The following ZNF704 variants were observed in gnomAD, a reference collection of about 807,000 sequenced individuals.
The protein encoded by ZNF704 is glucocorticoid induced gene 1.
In ZNF704, 10 loss-of-function variants were observed where a neutral mutation model predicts 44.7. That is an observed-to-expected ratio of 0.22 (90% CI 0.14 to 0.38). The LOEUF (loss-of-function observed/expected upper bound fraction) is 0.38. Ranked by LOEUF, ZNF704 falls within the 10% of genes least tolerant of loss-of-function variation. The pLI is 1.00. For synonymous variants in ZNF704, 211 were observed against 207.6 expected, an observed-to-expected ratio of 1.02 and a Z score of -0.14; for missense variants, 390 against 545.5, an observed-to-expected ratio of 0.71 and a Z score of 2.84.
At chr8:80,746,854 C>T (rs942835777) in intron 2 of ZNF704, among the ~76,000 whole-genome samples, 1 of 152,078 alleles carries the variant, frequency 6.6e-6, no homozygotes, top group Non-Finnish European at 1.5e-5. Flanking sequence ...GCAAAAGGTC[C>T]TCACAATTCA....
chr8:80,709,136 T>G (rs1818942656), intron 2 of ZNF704, among the ~76,000 whole-genome samples: 1 of 152,076 alleles, frequency 6.6e-6, no homozygotes, highest in African/African-American at 2.4e-5. Context: ...CTTTCCTTTG[T>G]AAGTAGGAAA....
chr8:80,720,386 A>T (rs1819145218), intron 2 of ZNF704, among the ~76,000 whole-genome samples: 1 of 152,202 alleles, frequency 6.6e-6, no homozygotes. Context: ...TCTTCTCATA[A>T]TGTTTATATA....
chr8:80,713,633 G>A (rs964721232), intron 2 of ZNF704, among the ~76,000 whole-genome samples: 1 of 152,230 alleles, frequency 6.6e-6, no homozygotes, highest in Non-Finnish European at 1.5e-5. Context: ...GGAGAAGAGA[G>A]ATAATGCAGA....
chr8:80,706,900 C>T (rs188693067), intron 2 of ZNF704, among the ~76,000 whole-genome samples: 2 of 152,160 alleles, frequency 1.3e-5, no homozygotes, highest in East Asian at 1.9e-4. Context: ...CGGGACAAAC[C>T]GATGAGTGAC....
At chr8:80,663,356 G>C (rs190477546) in intron 6 of ZNF704, among the ~76,000 whole-genome samples, 2 of 143,434 alleles carry the variant, frequency 1.4e-5, no homozygotes, top group Non-Finnish European at 3.0e-5. Context: ...GAAAGATAGA[G>C]ACCCTGTCTC....
intron 2 of ZNF704, among the ~76,000 whole-genome samples, chr8:80,701,718 T>C (rs912689976): frequency 6.6e-6 from 1 of 152,274 alleles, no homozygotes; most frequent in South Asian, 2.1e-4. Context: ...GAAGAACAGG[T>C]TGACAGCATT....
intron 4 of ZNF704, among the ~76,000 whole-genome samples, chr8:80,681,784 ACT>A: frequency 6.6e-6 from 1 of 152,268 alleles, no homozygotes; most frequent in South Asian, 2.1e-4. Context: ...TTCTAGACAT[ACT>A]GAGTAGTCCT....
At chr8:80,848,748 G>A (rs1303834341) in intron 1 of ZNF704, among the ~76,000 whole-genome samples, 1 of 151,682 alleles carries the variant, frequency 6.6e-6, no homozygotes, top group Non-Finnish European at 1.5e-5. Context: ...ACTCCAGCCT[G>A]GGTGATGGAG....
chr8:80,665,104 C>G (rs1490505316), intron 5 of ZNF704, 22 bp from the exon 6 acceptor site: 1 of 1,611,064 alleles, frequency 6.2e-7, no homozygotes, highest in South Asian at 1.1e-5. Flanking sequence ...GAGAGTAAAA[C>G]AATCATACTA....
At chr8:80,716,930 A>G (rs1819080946) in intron 2 of ZNF704, among the ~76,000 whole-genome samples, 1 of 152,256 alleles carries the variant, frequency 6.6e-6, no homozygotes, top group Non-Finnish European at 1.5e-5. Context: ...ATTCACTGTC[A>G]GCTTCCTCTG....
intron 2 of ZNF704, among the ~76,000 whole-genome samples, chr8:80,716,526 T>TA (rs1478578691): frequency 6.6e-6 from 1 of 152,238 alleles, no homozygotes; most frequent in Non-Finnish European, 1.5e-5. Flanking sequence ...AAAAGACATT[T>TA]ACCATTCCTA....
chr8:80,832,787 T>C (rs974639394), intron 1 of ZNF704, among the ~76,000 whole-genome samples: 3 of 152,130 alleles, frequency 2.0e-5, no homozygotes, highest in African/African-American at 7.2e-5. Context: ...TTTAAGGCCC[T>C]TCCACTCACC....
At chr8:80,671,344 C>T (rs1013294205) in intron 4 of ZNF704, among the ~76,000 whole-genome samples, 4 of 152,036 alleles carry the variant, frequency 2.6e-5, no homozygotes, top group African/African-American at 7.2e-5. Flanking sequence ...GCCCAGGCTG[C>T]GGCAATATTT....
Position 80,634,701 on chromosome 8 carries a change from G to C in ZNF704, c.*6665C>G, listed in dbSNP as rs1312504603. On this transcript the variant is annotated 3_prime_UTR_variant, in exon 9 of 9. Transcript: ENST00000327835. ...GGCATGTGTTCTGCAGTTCAACCTG[G>C]TCTCCACCATTCTTGTGTTCCTCTT... 1 of 152,176 alleles carries C rather than the reference G, an allele frequency of 6.6e-6. No homozygotes were observed. The highest frequency in any genetic ancestry group is 2.4e-5 in the African/African-American group (1 of 41,422). The allele number at this position is 152,176 out of a possible 1,614,324, so 9.4% of individuals were successfully genotyped here.
At chr8:80,643,671 A>G (rs930090951) in intron 7 of ZNF704, among the ~76,000 whole-genome samples, 6 of 151,966 alleles carry the variant, frequency 3.9e-5, no homozygotes, top group Non-Finnish European at 1.5e-5. Flanking sequence ...TATCTCAAAC[A>G]TTTTTTTACT....
intron 2 of ZNF704, among the ~76,000 whole-genome samples, chr8:80,797,127 G>A (rs1327889786): frequency 2.0e-5 from 3 of 152,058 alleles, no homozygotes; most frequent in Non-Finnish European, 2.9e-5. Flanking sequence ...TTGACTCCAC[G>A]TCCAGTGTCC....
chr8:80,667,147 CAG>C (rs1473829995), intron 5 of ZNF704, among the ~76,000 whole-genome samples: 1 of 152,038 alleles, frequency 6.6e-6, no homozygotes, highest in African/African-American at 2.4e-5. Flanking sequence ...GTGGGCCTGG[CAG>C]AGAGGCCAGA....
intron 2 of ZNF704, among the ~76,000 whole-genome samples, chr8:80,776,515 G>T (rs1378116547): frequency 6.6e-6 from 1 of 151,978 alleles, no homozygotes; most frequent in African/African-American, 2.4e-5. Context: ...TTGAGATTTG[G>T]GAGTTTCATC....
At chr8:80,794,166 G>A (rs1343488072) in intron 2 of ZNF704, among the ~76,000 whole-genome samples, 1 of 151,988 alleles carries the variant, frequency 6.6e-6, no homozygotes, top group Non-Finnish European at 1.5e-5. Context: ...TAAACGAGAT[G>A]TATATATAAC....
Sources: gnomAD v4.1 joint callset for allele counts (sites outside exome capture counted in the v4.1 genomes callset) on GRCh38, gnomAD v4.1.1 for gene constraint, MANE v1.5 for transcripts, NCBI Gene and HGNC (gene_info 2026-07-23, HGNC 2026-07-21) for gene names.